The following PHF24 variants were observed in gnomAD, a reference collection of about 807,000 sequenced individuals.
The protein encoded by PHF24 is Galpha inhibitory interacting protein.
PHF24 carries 25 observed loss-of-function variants against 42.6 expected under a neutral mutation model. The ratio of observed to expected loss-of-function variants is 0.59; its 90% CI spans 0.43 to 0.82. PHF24 has a LOEUF of 0.82. PHF24 is among the 40% of genes least tolerant of loss of function. The pLI is 0.00. For synonymous variants in PHF24, 185 were observed against 204.8 expected (o/e 0.90, Z 0.83); for missense variants, 470 against 538.1 (o/e 0.87, Z 1.25).
At chr9:34,955,321 C>CAAAAA (rs146827510), upstream of PHF24, among the ~76,000 whole-genome samples, 1 of 137,848 alleles carries the variant, frequency 7.3e-6, no homozygotes, top group Non-Finnish European at 1.6e-5. Flanking sequence ...CAAGAATATG[C>CAAAAA]AAAAAAAAAA....
At chr9:34,889,635 T>A in the PHF24 span, 1 of 398,548 alleles carries the variant, frequency 2.5e-6, no homozygotes. Flanking sequence ...TTCTGGAGCT[T>A]CTGGAAGGAT....
At chr9:34,976,874 CA>C in intron 5 of PHF24, 134 bp downstream of exon 5, 1 of 911,338 alleles carries the variant, frequency 1.1e-6, no homozygotes, top group South Asian at 1.7e-5. Flanking sequence ...AGGTTCCATC[CA>C]GTGACAGATG....
At chr9:34,860,126 C>T in the PHF24 span, among the ~76,000 whole-genome samples, 1 of 152,218 alleles carries the variant, frequency 6.6e-6, no homozygotes, top group South Asian at 2.1e-4. Context: ...CCTCCTTGCA[C>T]CACAGTCTAG....
At chr9:34,683,451 G>A in the PHF24 span, among the ~76,000 whole-genome samples, 1 of 152,214 alleles carries the variant, frequency 6.6e-6, no homozygotes, top group Non-Finnish European at 1.5e-5. Flanking sequence ...GAGGTGGTAA[G>A]GGGAGAGCCC....
At chr9:34,951,322 A>C in the PHF24 span, among the ~76,000 whole-genome samples, 1 of 152,206 alleles carries the variant, frequency 6.6e-6, no homozygotes, top group African/African-American at 2.4e-5. Context: ...TTATAGTACA[A>C]GGGCACTATA....
chr9:34,822,113 C>T, the PHF24 span, among the ~76,000 whole-genome samples: 3 of 151,984 alleles, frequency 2.0e-5, no homozygotes, highest in South Asian at 2.1e-4. Context: ...TTTTTCTAAA[C>T]GTAACCTGAC....
the PHF24 span, among the ~76,000 whole-genome samples, chr9:34,747,680 C>G: frequency 5.9e-5 from 9 of 152,262 alleles, no homozygotes; most frequent in Non-Finnish European, 1.0e-4. Flanking sequence ...GCAACTGAAA[C>G]TCCCAAACAC....
exon 8 of PHF24, chr9:34,978,127 C>G (rs2088220219): frequency 6.3e-7 from 1 of 1,599,282 alleles, no homozygotes; most frequent in Non-Finnish European, 8.6e-7. Flanking sequence ...AGCAGAGAAG[C>G]TCGGTTTGAG....
the PHF24 span, among the ~76,000 whole-genome samples, chr9:34,875,191 A>C: frequency 6.6e-6 from 1 of 152,270 alleles, no homozygotes; most frequent in South Asian, 2.1e-4. Flanking sequence ...TTCCACAAAA[A>C]AGTGAGAATA....
chr9:34,940,091 G>T, the PHF24 span, among the ~76,000 whole-genome samples: 1 of 151,874 alleles, frequency 6.6e-6, no homozygotes, highest in African/African-American at 2.4e-5. Context: ...GAGGGAGGTG[G>T]GGGGAAAGTC....
chr9:34,856,189 T>G, the PHF24 span, among the ~76,000 whole-genome samples: 1 of 152,172 alleles, frequency 6.6e-6, no homozygotes, highest in Admixed American at 6.5e-5. Context: ...TTACCATGAT[T>G]CTTAGCTTCT....
chr9:34,720,399 T>G, the PHF24 span, among the ~76,000 whole-genome samples: 1 of 147,040 alleles, frequency 6.8e-6, no homozygotes, highest in Admixed American at 7.0e-5. Context: ...GAGCCGAGAT[T>G]GCGCCACTGC....
At chr9:34,910,151 C>T in the PHF24 span, among the ~76,000 whole-genome samples, 1 of 152,144 alleles carries the variant, frequency 6.6e-6, no homozygotes, top group Non-Finnish European at 1.5e-5. Flanking sequence ...GGTTTTCCTG[C>T]ATCTAAGCTT....
At chr9:34,942,424 T>C in the PHF24 span, among the ~76,000 whole-genome samples, 2 of 152,220 alleles carry the variant, frequency 1.3e-5, no homozygotes, top group African/African-American at 2.4e-5. Flanking sequence ...ACTGAAGTTG[T>C]AGGTTCCTAA....
chr9:34,854,628 G>A, the PHF24 span, among the ~76,000 whole-genome samples: 34 of 152,282 alleles, frequency 2.2e-4, no homozygotes, highest in African/African-American at 8.2e-4. Context: ...TTATTATGCT[G>A]TAGTATGGGA....
chr9:34,858,771 G>A, the PHF24 span, among the ~76,000 whole-genome samples: 1 of 152,192 alleles, frequency 6.6e-6, no homozygotes, highest in Non-Finnish European at 1.5e-5. Flanking sequence ...TCTTTGTCTA[G>A]TAAGTCTAAT....
chr9:34,666,779 C>A, the PHF24 span, among the ~76,000 whole-genome samples: 1 of 152,072 alleles, frequency 6.6e-6, no homozygotes, highest in Non-Finnish European at 1.5e-5. Context: ...AACCCCGTCT[C>A]TACTAAAAAT....
chr9:34,929,437 G>C, the PHF24 span, among the ~76,000 whole-genome samples: 2 of 152,138 alleles, frequency 1.3e-5, no homozygotes, highest in South Asian at 2.1e-4. Flanking sequence ...ACAAGGGTGG[G>C]ACTCCCTTTT....
At chr9:34,791,567 G>A in the PHF24 span, among the ~76,000 whole-genome samples, 3 of 138,322 alleles carry the variant, frequency 2.2e-5, no homozygotes, top group African/African-American at 8.0e-5. Context: ...ATCTTGTAGG[G>A]TGTGAATATA....
Sources: gnomAD v4.1 joint callset for allele counts (sites outside exome capture counted in the v4.1 genomes callset) on GRCh38, gnomAD v4.1.1 for gene constraint, MANE v1.5 for transcripts, NCBI Gene and HGNC (gene_info 2026-07-23, HGNC 2026-07-21) for gene names.